The following BCKDHB variants were observed in gnomAD, a reference collection of about 807,000 sequenced individuals.
BCKDHB encodes the protein branched chain keto acid dehydrogenase E1 subunit beta, also known as 2-oxoisovalerate dehydrogenase subunit beta, mitochondrial.
Under a neutral mutation model 48.5 loss-of-function variants are expected in BCKDHB, and 41 were observed. That is an observed-to-expected ratio of 0.85 (90% CI 0.66 to 1.10). BCKDHB has a LOEUF of 1.10. BCKDHB is among the 50% of genes least tolerant of loss of function. BCKDHB has a pLI of 0.00. For missense variants in BCKDHB, 496 were observed against 494.2 expected (o/e 1.00, Z -0.03); for synonymous variants, 201 against 174.8 (o/e 1.15, Z -1.18).
intron 9 of BCKDHB, among the ~76,000 whole-genome samples, chr6:80,293,122 C>CG (rs1438926447): frequency 6.6e-6 from 1 of 152,172 alleles, no homozygotes; most frequent in Non-Finnish European, 1.5e-5. Flanking sequence ...GTCGAGAGGA[C>CG]GGTGGCCCTC....
At chr6:80,307,769 A>G (rs1767951057) in intron 9 of BCKDHB, 1 of 982,978 alleles carries the variant, frequency 1.0e-6, no homozygotes, top group Admixed American at 6.1e-5. Flanking sequence ...GATGAAGCAC[A>G]CACTTCATAA....
At chr6:80,433,308 T>C in the BCKDHB span, among the ~76,000 whole-genome samples, 1 of 152,162 alleles carries the variant, frequency 6.6e-6, no homozygotes, top group Admixed American at 6.5e-5. Context: ...ATGGGGGTTT[T>C]ATTTTTAAGT....
chr6:80,364,971 C>T, the BCKDHB span, among the ~76,000 whole-genome samples: 1 of 152,172 alleles, frequency 6.6e-6, no homozygotes, highest in Non-Finnish European at 1.5e-5. Context: ...ACCCGTGATG[C>T]CCGCCTGAGC....
chr6:80,462,152 C>G, the BCKDHB span, among the ~76,000 whole-genome samples: 2,289 of 152,204 alleles, frequency 0.015, 59 homozygotes, highest in African/African-American at 0.052. Flanking sequence ...CTTTTCAATT[C>G]TAGGCCTAAG....
At position 80,168,179 on chromosome 6, in the gene BCKDHB, T is replaced by A. The variant is rs192435454; in HGVS notation, c.477+368T>A. 6.6e-5 allele frequency among the ~76,000 whole-genome samples: 10 copies of A among 152,020 alleles called. No homozygotes were observed. In the East Asian group the frequency reaches 1.9e-3, roughly 30 times the overall value. ...CACATACCTGTCATCCCAGTTACTC[T>A]GGTGGCTGAGGCAGGAGGATAACTT... On this transcript the variant is annotated intron_variant, in intron 4 of 9. Coordinates refer to ENST00000320393, the MANE Select transcript of BCKDHB (RefSeq NM_183050.4).
the BCKDHB span, among the ~76,000 whole-genome samples, chr6:80,387,898 C>G: frequency 6.6e-6 from 1 of 152,186 alleles, no homozygotes; most frequent in Non-Finnish European, 1.5e-5. Flanking sequence ...ACACACTGGA[C>G]TTATTGGTGA....
intron 1 of BCKDHB, 123 bp from the exon 2 acceptor site, chr6:80,127,424 G>A: frequency 5.0e-6 from 4 of 807,976 alleles, no homozygotes; most frequent in South Asian, 4.4e-5. Context: ...AAATAATTCA[G>A]CAATTTGCAT....
At chr6:80,250,318 A>G (rs1776785493) in intron 8 of BCKDHB, among the ~76,000 whole-genome samples, 1 of 152,190 alleles carries the variant, frequency 6.6e-6, no homozygotes. Flanking sequence ...AATATTTTAT[A>G]TGACTCCTAG....
chr6:80,115,609 T>C (rs182295142), intron 1 of BCKDHB, among the ~76,000 whole-genome samples: 2 of 152,110 alleles, frequency 1.3e-5, no homozygotes, highest in African/African-American at 2.4e-5. Flanking sequence ...TTGTCACTTG[T>C]GTGTTACGCA....
rs1167668592 is a variant in BCKDHB, at chr6:80,297,822, A to C, written c.1038+24601A>C. Among the ~76,000 whole-genome samples, 3 of 152,192 alleles carry C rather than the reference A, an allele frequency of 2.0e-5. No homozygotes were observed. The East Asian group carries it at 5.8e-4, about 29-fold the overall frequency. On this transcript the variant is annotated intron_variant, in intron 9 of 9. Coordinates refer to ENST00000320393, the MANE Select transcript of BCKDHB (RefSeq NM_183050.4). Reference sequence around the variant, plus strand: ...AGTATATTTCCTACCTAGTTATTACATACCAAAGCTCTCTCATAATGTGAA... The same window carrying C: ...AGTATATTTCCTACCTAGTTATTACCTACCAAAGCTCTCTCATAATGTGAA...
chr6:80,148,494 T>C (rs1447582467), intron 3 of BCKDHB, among the ~76,000 whole-genome samples: 1 of 152,126 alleles, frequency 6.6e-6, no homozygotes, highest in Non-Finnish European at 1.5e-5. Flanking sequence ...GGGGTTTCTT[T>C]CACTATTGTT....
chr6:80,261,844 A>AT (rs974229563), intron 8 of BCKDHB, among the ~76,000 whole-genome samples: 10 of 151,606 alleles, frequency 6.6e-5, no homozygotes, highest in African/African-American at 1.5e-4. Context: ...AATTTTCAGC[A>AT]TTTTTTTTCA....
intron 9 of BCKDHB, among the ~76,000 whole-genome samples, chr6:80,290,149 C>T (rs1162798868): frequency 1.3e-5 from 2 of 152,196 alleles, no homozygotes; most frequent in East Asian, 1.9e-4. Context: ...TGTCCCAGTG[C>T]CCCCAGGGCT....
the BCKDHB span, among the ~76,000 whole-genome samples, chr6:80,409,368 G>A: frequency 6.6e-6 from 1 of 150,746 alleles, no homozygotes; most frequent in Non-Finnish European, 1.5e-5. Context: ...GATTTGGGAT[G>A]GAGAGTTCTG....
intron 3 of BCKDHB, among the ~76,000 whole-genome samples, chr6:80,160,901 A>G (rs965039833): frequency 6.6e-6 from 1 of 152,200 alleles, no homozygotes; most frequent in Non-Finnish European, 1.5e-5. Flanking sequence ...CTTTTATTTT[A>G]GTTATCTATA....
At chr6:80,456,812 G>A in the BCKDHB span, among the ~76,000 whole-genome samples, 2 of 152,252 alleles carry the variant, frequency 1.3e-5, no homozygotes, top group African/African-American at 2.4e-5. Context: ...AAGCTATAGT[G>A]TAAATGCATT....
chr6:80,162,045 G>A lies in BCKDHB; in HGVS notation c.344-5633G>A, dbSNP rs150872671. 1.7e-3 allele frequency among the ~76,000 whole-genome samples: 264 copies of A among 152,196 alleles called. 1 individual carries two copies. Among genetic ancestry groups the A allele is most frequent in the African/African-American group, 6.0e-3 (250 of 41,524 alleles). On this transcript the variant is annotated intron_variant, in intron 3 of 9. Coordinates refer to ENST00000320393, the MANE Select transcript of BCKDHB (RefSeq NM_183050.4). Reference sequence around the variant, plus strand: ...ATCCATCTCTCTGTGTAAATCCTGAGCTGAATGTCACTGGAGCAAAACATG... The same window carrying A: ...ATCCATCTCTCTGTGTAAATCCTGAACTGAATGTCACTGGAGCAAAACATG...
At chr6:80,342,028 T>C (rs137973499) in intron 9 of BCKDHB, among the ~76,000 whole-genome samples, 4 of 152,286 alleles carry the variant, frequency 2.6e-5, no homozygotes, top group African/African-American at 7.2e-5. Flanking sequence ...CCAACACTTA[T>C]TTGGTGTTTG....
chr6:80,280,233 A>G (rs1033510624), intron 9 of BCKDHB, among the ~76,000 whole-genome samples: 2 of 152,244 alleles, frequency 1.3e-5, no homozygotes, highest in African/African-American at 4.8e-5. Flanking sequence ...TGTAATATAT[A>G]TAAAATATAC....
Sources: allele counts gnomAD v4.1 joint callset (sites outside exome capture counted in the v4.1 genomes callset), GRCh38; gene constraint gnomAD v4.1.1; transcripts MANE v1.5; gene names NCBI Gene and HGNC (gene_info 2026-07-23, HGNC 2026-07-21).